Variants in KLRF1 observed in about 807,000 individuals in gnomAD.
KLRF1 encodes killer cell lectin like receptor F1.
Under a neutral mutation model 30.7 loss-of-function variants are expected in KLRF1, and 27 were observed. The observed-to-expected ratio is 0.88, with a 90% confidence interval of 0.65 to 1.21. The LOEUF (loss-of-function observed/expected upper bound fraction) is 1.21. Among genes scored for constraint, KLRF1 ranks in the 50% most tolerant of loss-of-function variants. The pLI, the probability that KLRF1 is intolerant of heterozygous loss-of-function variation, is 0.00. For missense variants in KLRF1, 246 were observed against 259.3 expected, an observed-to-expected ratio of 0.95 and a Z score of 0.35; for synonymous variants, 92 against 89.3, an observed-to-expected ratio of 1.03 and a Z score of -0.17.
At chr12:9,838,370 G>A (rs1156314537) in intron 3 of KLRF1, among the ~76,000 whole-genome samples, 1 of 152,096 alleles carries the variant, frequency 6.6e-6, no homozygotes, top group Non-Finnish European at 1.5e-5. Context: ...TAGCTTTGAG[G>A]AAGGGTAAAT....
At chr12:9,809,072 C>A in the KLRF1 span, among the ~76,000 whole-genome samples, 1 of 152,122 alleles carries the variant, frequency 6.6e-6, no homozygotes, top group Non-Finnish European at 1.5e-5. Flanking sequence ...GTAATAGAAT[C>A]ATAAACTCCA....
upstream of KLRF1, among the ~76,000 whole-genome samples, chr12:9,823,036 C>T (rs1867244503): frequency 6.6e-6 from 1 of 151,884 alleles, no homozygotes; most frequent in African/African-American, 2.4e-5. Flanking sequence ...ACACTCCAGA[C>T]AGGTCATCAA....
rs74806393 is a variant in KLRF1 at position 9,828,965 on chromosome 12, T to C, written c.85+1336T>C. On this transcript the variant is annotated intron_variant, in intron 1 of 5. Transcript: ENST00000617889. ...GATATTTAAGTGACACATACTAATA[T>C]TTATGTCTTGTACCTTTAGCTAATA... Among the ~76,000 whole-genome samples the C allele has an allele frequency of 9.1e-3, 1,384 of 152,322 alleles. 23 individuals carry two copies. The highest frequency in any genetic ancestry group is 0.031 in the African/African-American group (1,305 of 41,572).
At chr12:9,841,547 C>A (rs1867703042) in intron 3 of KLRF1, among the ~76,000 whole-genome samples, 1 of 151,950 alleles carries the variant, frequency 6.6e-6, no homozygotes, top group Non-Finnish European at 1.5e-5. Context: ...TTATTTTGTT[C>A]ATGCTATTTT....
chr12:9,838,528 C>T lies in KLRF1; in HGVS notation c.335-3284C>T, dbSNP rs58918638. ...CACGTGATCTCATGGAAAGCTTTTA[C>T]ACTATTGGCGGGCACCACGTAGTGG... On this transcript the variant is annotated intron_variant, in intron 3 of 5. Coordinates refer to ENST00000617889, the MANE Select transcript of KLRF1 (RefSeq NM_016523.3). Among the ~76,000 whole-genome samples the T allele has an allele frequency of 4.3e-3, 658 of 152,248 alleles. 6 individuals are homozygous for T. The highest frequency in any genetic ancestry group is 0.015 in the African/African-American group (625 of 41,582).
Position 9,844,591 on chromosome 12 carries a change from T to G in KLRF1, c.*65T>G, listed in dbSNP as rs1867772808. The G allele has an allele frequency of 1.2e-6, 1 of 836,788 alleles. No individual in the cohort carries two copies. Among genetic ancestry groups the G allele is most frequent in the Non-Finnish European group, 2.0e-6 (1 of 511,118 alleles). The allele number at this position is 836,788 out of a possible 1,614,324, so 51.8% of individuals were successfully genotyped here. On this transcript the variant is annotated 3_prime_UTR_variant, in exon 6 of 6. Coordinates refer to ENST00000617889, the MANE Select transcript of KLRF1 (RefSeq NM_016523.3). ...ATTTTTGGCCTATTAGTTTCTAATA[T>G]TAATCTCCAGGTGTAAGATTTTAAA...
chr12:9,818,502 T>G, the KLRF1 span, among the ~76,000 whole-genome samples: 2 of 152,314 alleles, frequency 1.3e-5, no homozygotes, highest in Admixed American at 1.3e-4. Flanking sequence ...GATAAGACAT[T>G]CTGTAACTCT....
At chr12:9,814,763 G>A in the KLRF1 span, among the ~76,000 whole-genome samples, 3 of 69,966 alleles carry the variant, frequency 4.3e-5, no homozygotes, top group South Asian at 4.3e-4. Flanking sequence ...AGGGCTGCCC[G>A]CCCAGCCCAC....
chr12:9,839,961 G>A (rs1476155266), intron 3 of KLRF1, among the ~76,000 whole-genome samples: 2 of 152,078 alleles, frequency 1.3e-5, no homozygotes, highest in Admixed American at 6.6e-5. Context: ...TCCATCAGCT[G>A]ATGAAGAGAT....
chr12:9,827,305 G>A (rs1370416500), upstream of KLRF1, among the ~76,000 whole-genome samples: 2 of 152,182 alleles, frequency 1.3e-5, no homozygotes, highest in Non-Finnish European at 2.9e-5. Context: ...AATTCAATAT[G>A]TGGTGGACAG....
At chr12:9,837,207 A>G (rs1023248935) in intron 3 of KLRF1, among the ~76,000 whole-genome samples, 8 of 152,104 alleles carry the variant, frequency 5.3e-5, no homozygotes, top group African/African-American at 1.9e-4. Flanking sequence ...GAATAGAATC[A>G]CACAATATTT....
intron 5 of KLRF1, among the ~76,000 whole-genome samples, chr12:9,843,218 G>A (rs1280276477): frequency 1.3e-5 from 2 of 152,180 alleles, no homozygotes; most frequent in Non-Finnish European, 1.5e-5. Context: ...AATCACGTCT[G>A]TGAGCCAAGG....
chr12:9,814,347 T>C, the KLRF1 span, among the ~76,000 whole-genome samples: 1 of 152,184 alleles, frequency 6.6e-6, no homozygotes, highest in Non-Finnish European at 1.5e-5. Flanking sequence ...CAGCCGGGAC[T>C]GCCACCACCC....
At chr12:9,822,222 C>T in the KLRF1 span, among the ~76,000 whole-genome samples, 1 of 152,284 alleles carries the variant, frequency 6.6e-6, no homozygotes, top group Admixed American at 6.5e-5. Context: ...TGAAGATCAT[C>T]AGCATTCAGG....
the KLRF1 span, among the ~76,000 whole-genome samples, chr12:9,800,106 AGAAGTGG>A: frequency 6.6e-6 from 1 of 152,100 alleles, no homozygotes; most frequent in Non-Finnish European, 1.5e-5. Flanking sequence ...ATAAAGACCA[AGAAGTGG>A]GATTACTGGA....
the KLRF1 span, among the ~76,000 whole-genome samples, chr12:9,821,731 G>A: frequency 6.6e-6 from 1 of 152,220 alleles, no homozygotes; most frequent in Non-Finnish European, 1.5e-5. Context: ...ATAATCTACA[G>A]CCAACACTCA....
At chr12:9,822,851 A>G (rs1867242731), upstream of KLRF1, among the ~76,000 whole-genome samples, 1 of 152,236 alleles carries the variant, frequency 6.6e-6, no homozygotes, top group Admixed American at 6.5e-5. Context: ...ACTTTAAACC[A>G]ATAAAGATGA....
the KLRF1 span, among the ~76,000 whole-genome samples, chr12:9,820,609 TCTC>T: frequency 3.3e-5 from 5 of 152,078 alleles, no homozygotes; most frequent in African/African-American, 1.2e-4. Flanking sequence ...GCTGGACTGT[TCTC>T]CACACACATG....
rs1867711233 is a variant in KLRF1, at chr12:9,841,910, A to G, written c.433A>G (p.Arg145Gly). Reference protein sequence around the residue: ...WSDSYVYCLERKSHLLIIHDQ... With the variant: ...WSDSYVYCLEGKSHLLIIHDQ... ...TGACAGTTATGTGTATTGTTTGGAA[A>G]GAAAATCTCATCTACTAATCATACA... Residue 145 changes from arginine to glycine, a missense_variant, in exon 4 of 6, where the codon AGA becomes GGA. Transcript: ENST00000617889. 1 of 1,612,458 alleles carries G rather than the reference A, an allele frequency of 6.2e-7. No individual in the cohort carries two copies. Among genetic ancestry groups the G allele is most frequent in the African/African-American group, 1.3e-5 (1 of 74,942 alleles).
Sources: gnomAD v4.1 joint callset for allele counts (sites outside exome capture counted in the v4.1 genomes callset) on GRCh38, gnomAD v4.1.1 for gene constraint, MANE v1.5 for transcripts, NCBI Gene and HGNC (gene_info 2026-07-23, HGNC 2026-07-21) for gene names.